Variants in GREM2 observed in about 807,000 individuals in gnomAD.
GREM2 encodes gremlin 2, DAN family BMP antagonist.
Under a neutral mutation model 14.2 loss-of-function variants are expected in GREM2, and 11 were observed. The observed-to-expected ratio is 0.78, with a 90% CI of 0.49 to 1.28. GREM2 has a LOEUF of 1.28. GREM2 is among the 50% of genes most tolerant of loss of function. GREM2 has a pLI of 0.00. For synonymous variants in GREM2, 98 were observed against 97.6 expected (o/e 1.00, Z -0.02); for missense variants, 210 against 218.5 (o/e 0.96, Z 0.24).
intron 1 of GREM2, among the ~76,000 whole-genome samples, chr1:240,547,601 G>T (rs905910500): frequency 2.6e-5 from 4 of 151,158 alleles, no homozygotes; most frequent in African/African-American, 9.7e-5. Context: ...TGTGAAGAGG[G>T]AGTAGAGGTG....
chr1:240,558,090 G>A (rs1428801818), intron 1 of GREM2, among the ~76,000 whole-genome samples: 1 of 152,162 alleles, frequency 6.6e-6, no homozygotes, highest in Non-Finnish European at 1.5e-5. Context: ...ATGAGGAAAT[G>A]AGGAGTGTTT....
chr1:240,590,971 G>A (rs1233216580), intron 1 of GREM2, among the ~76,000 whole-genome samples: 1 of 151,112 alleles, frequency 6.6e-6, no homozygotes, highest in Non-Finnish European at 1.5e-5. Flanking sequence ...TAGTAGAGAA[G>A]GGGTTTCACC....
intron 1 of GREM2, among the ~76,000 whole-genome samples, chr1:240,583,926 T>G (rs1027895212): frequency 4.6e-5 from 7 of 152,060 alleles, no homozygotes; most frequent in African/African-American, 1.4e-4. Context: ...ATTCTGTGTT[T>G]TATCTACTTC....
intron 1 of GREM2, among the ~76,000 whole-genome samples, chr1:240,499,414 T>C (rs1677513864): frequency 6.6e-6 from 1 of 152,196 alleles, no homozygotes; most frequent in African/African-American, 2.4e-5. Context: ...CAGGGCTGAA[T>C]AGCTGAATAC....
At chr1:240,585,291 C>T (rs1046502083) in intron 1 of GREM2, among the ~76,000 whole-genome samples, 1 of 151,968 alleles carries the variant, frequency 6.6e-6, no homozygotes, top group Non-Finnish European at 1.5e-5. Flanking sequence ...ACCATAGGGC[C>T]CTGTGAGGAC....
chr1:240,533,392 G>T (rs530262708), intron 1 of GREM2, among the ~76,000 whole-genome samples: 3 of 152,178 alleles, frequency 2.0e-5, no homozygotes, highest in Non-Finnish European at 4.4e-5. Flanking sequence ...AGCACACAAG[G>T]CATGATAAAT....
intron 1 of GREM2, among the ~76,000 whole-genome samples, chr1:240,570,363 G>C (rs180727379): frequency 6.6e-6 from 1 of 152,158 alleles, no homozygotes; most frequent in Non-Finnish European, 1.5e-5. Context: ...TCGGGGGGCT[G>C]AGGCAAGATA....
chr1:240,549,912 T>A (rs958482755), intron 1 of GREM2: 1 of 152,402 alleles, frequency 6.6e-6, no homozygotes, highest in Non-Finnish European at 1.5e-5. Context: ...TTCCGGCACC[T>A]GCTTCTACCA....
chr1:240,554,442 A>G (rs2103342033), intron 1 of GREM2, among the ~76,000 whole-genome samples: 1 of 151,870 alleles, frequency 6.6e-6, no homozygotes, highest in South Asian at 2.1e-4. Flanking sequence ...AGGTCTCACT[A>G]TGTTGCCCAA....
chr1:240,580,307 GT>G (rs1679460926), intron 1 of GREM2, among the ~76,000 whole-genome samples: 1 of 152,158 alleles, frequency 6.6e-6, no homozygotes, highest in African/African-American at 2.4e-5. Flanking sequence ...TACACAAAAT[GT>G]AACATGAATA....
At chr1:240,600,222 C>T (rs201304485) in intron 1 of GREM2, among the ~76,000 whole-genome samples, 1 of 151,514 alleles carries the variant, frequency 6.6e-6, no homozygotes, top group African/African-American at 2.4e-5. Flanking sequence ...ATGTGTAAAA[C>T]GAGATTACGT....
chr1:240,582,857 A>AT (rs1468920445), intron 1 of GREM2, among the ~76,000 whole-genome samples: 2 of 151,242 alleles, frequency 1.3e-5, no homozygotes, highest in Non-Finnish European at 2.9e-5. Flanking sequence ...AAGGAACAAA[A>AT]TTTTTTTAAA....
intron 1 of GREM2, among the ~76,000 whole-genome samples, chr1:240,576,368 G>GCTTCCTGGTTT (rs1173139780): frequency 6.6e-6 from 1 of 152,156 alleles, no homozygotes; most frequent in African/African-American, 2.4e-5. Context: ...TCTTGACGAA[G>GCTTCCTGGTTT]CTTCCTGGTT....
chr1:240,594,362 G>C lies in GREM2; in HGVS notation c.-2+17522C>G, dbSNP rs199912880. On this transcript the variant is annotated intron_variant, in intron 1 of 1. Coordinates refer to ENST00000318160, the MANE Select transcript of GREM2 (RefSeq NM_022469.4). ...TGGCAGGCATTGTGGGGAGCATTCA[G>C]TCACTGCATGGAATTGATAAAAGGG... is the stretch of plus-strand genomic sequence containing the variant. Among the ~76,000 whole-genome samples, 59 of 152,320 alleles carry C rather than the reference G, an allele frequency of 3.9e-4. 1 individual carries two copies. In the East Asian group the frequency reaches 4.2e-3, roughly 11 times the overall value.
intron 1 of GREM2, among the ~76,000 whole-genome samples, chr1:240,533,669 T>G (rs1417055630): frequency 6.6e-6 from 1 of 152,018 alleles, no homozygotes; most frequent in Admixed American, 6.6e-5. Context: ...GAATCAACAA[T>G]TGGGATAGAG....
In GREM2 at chr1:240,578,752, C is replaced by G. The variant is rs189454907; in HGVS notation, c.-2+33132G>C. ...TGAGCCAAGATCACGCCACTGTACTCCAGCCTGGGTAACAGAGTGACACTC... is the reference window on the plus strand; with the variant it reads ...TGAGCCAAGATCACGCCACTGTACTGCAGCCTGGGTAACAGAGTGACACTC... On this transcript the variant is annotated intron_variant, in intron 1 of 1. Coordinates refer to ENST00000318160, the MANE Select transcript of GREM2 (RefSeq NM_022469.4). Among the ~76,000 whole-genome samples, 186 of 151,618 alleles carry G rather than the reference C, an allele frequency of 1.2e-3. 2 individuals are homozygous for G. In the East Asian group the frequency reaches 0.014, roughly 11 times the overall value.
chr1:240,605,679 C>A (rs561544280), intron 1 of GREM2, among the ~76,000 whole-genome samples: 8 of 152,016 alleles, frequency 5.3e-5, no homozygotes, highest in African/African-American at 1.7e-4. Flanking sequence ...TTATCATTTT[C>A]TTCTGCTTGA....
intron 1 of GREM2, among the ~76,000 whole-genome samples, chr1:240,595,805 G>T (rs1489206326): frequency 6.6e-6 from 1 of 152,132 alleles, no homozygotes; most frequent in East Asian, 1.9e-4. Context: ...ATGAGACTGT[G>T]TTTATAAAAC....
At chr1:240,605,499 C>T (rs1680007466) in intron 1 of GREM2, among the ~76,000 whole-genome samples, 1 of 151,996 alleles carries the variant, frequency 6.6e-6, no homozygotes, top group African/African-American at 2.4e-5. Flanking sequence ...AACAAACAAA[C>T]AAACAAATAA....
Sources: allele counts gnomAD v4.1 joint callset (sites outside exome capture counted in the v4.1 genomes callset), GRCh38; gene constraint gnomAD v4.1.1; transcripts MANE v1.5; gene names NCBI Gene and HGNC (gene_info 2026-07-23, HGNC 2026-07-21).